The following SCAPER variants were observed in gnomAD, a reference collection of about 807,000 sequenced individuals.
SCAPER encodes the protein S-phase cyclin A associated protein in the ER.
Under a neutral mutation model 182.2 loss-of-function variants are expected in SCAPER, and 98 were observed. The observed-to-expected ratio is 0.54, with a 90% CI of 0.46 to 0.64. The LOEUF is 0.64. Ranked by LOEUF, SCAPER falls within the 30% of genes least tolerant of loss-of-function variation. SCAPER has a pLI of 0.00. For missense variants in SCAPER, 1,432 were observed against 1,690.0 expected (o/e 0.85, Z 2.68); for synonymous variants, 605 against 564.6 (o/e 1.07, Z -1.01).
At chr15:76,850,123 G>A (rs1029379346) in intron 4 of SCAPER, among the ~76,000 whole-genome samples, 4 of 152,216 alleles carry the variant, frequency 2.6e-5, no homozygotes, top group Middle Eastern at 3.4e-3. Flanking sequence ...AAACCATATC[G>A]CTAACATACC....
intron 29 of SCAPER, among the ~76,000 whole-genome samples, chr15:76,358,844 G>A (rs886483100): frequency 2.0e-5 from 3 of 152,226 alleles, no homozygotes; most frequent in African/African-American, 7.2e-5. Flanking sequence ...GCACTTCAGA[G>A]TCAGTTGAGT....
chr15:76,828,652 A>G (rs568953884), intron 5 of SCAPER, among the ~76,000 whole-genome samples: 1 of 152,344 alleles, frequency 6.6e-6, no homozygotes, highest in South Asian at 2.1e-4. Flanking sequence ...ACAACAGGGA[A>G]TATGCAGAAT....
In SCAPER at chr15:76,621,876, T is replaced by G. The variant is rs374683099; in HGVS notation, c.2646-47A>C. 705 of 1,320,516 alleles carry G rather than the reference T, an allele frequency of 5.3e-4. No individual in the cohort carries two copies. The African/African-American group carries it at 9.6e-3, about 18-fold the overall frequency. The allele number at this position is 1,320,516 out of a possible 1,614,324, so 81.8% of individuals were successfully genotyped here. A position where few individuals can be genotyped will look rare whatever the true frequency, so the allele number is the denominator to read the frequency against. On this transcript the variant is annotated intron_variant, in intron 21 of 31. Transcript: ENST00000563290. ...ACACAGTTATTTCACTGCTAATTTTTATAATAAACCAAAATGTTGGCTGTA... is the reference window on the plus strand; with the variant it reads ...ACACAGTTATTTCACTGCTAATTTTGATAATAAACCAAAATGTTGGCTGTA...
In SCAPER at chr15:76,857,915, C is replaced by T. The variant is rs1006316429; in HGVS notation, c.125-36G>A. On this transcript the variant is annotated intron_variant, in intron 3 of 31. Transcript: ENST00000563290. Reference sequence around the variant, plus strand: ...AGAAAAAAATAAATATGTAGATATACAGAATGATAGATAGTATAAAATTGA... The same window carrying T: ...AGAAAAAAATAAATATGTAGATATATAGAATGATAGATAGTATAAAATTGA... 1.9e-5 allele frequency: 26 copies of T among 1,368,618 alleles called. No individual in the cohort carries two copies. The African/African-American group carries it at 2.5e-4, about 13-fold the overall frequency. 84.8% of individuals were successfully genotyped at this position (1,368,618 alleles called of 1,614,324 possible).
chr15:76,455,661 T>A (rs576431069), intron 25 of SCAPER, among the ~76,000 whole-genome samples: 39 of 152,320 alleles, frequency 2.6e-4, no homozygotes, highest in African/African-American at 6.3e-4. Flanking sequence ...TTTTAATTTT[T>A]ATTTTTTATT....
chr15:76,561,613 TG>T (rs1202943831), intron 23 of SCAPER, among the ~76,000 whole-genome samples: 1 of 152,114 alleles, frequency 6.6e-6, no homozygotes, highest in Non-Finnish European at 1.5e-5. Context: ...AATCACAGTA[TG>T]TAGGTAGAAT....
chr15:76,442,083 A>C (rs1240532096), intron 25 of SCAPER, among the ~76,000 whole-genome samples: 2 of 152,178 alleles, frequency 1.3e-5, no homozygotes, highest in East Asian at 1.9e-4. Flanking sequence ...AGATATATAT[A>C]GTATTTAGTC....
intron 27 of SCAPER, among the ~76,000 whole-genome samples, chr15:76,383,356 A>G (rs2043095406): frequency 6.6e-6 from 1 of 152,160 alleles, no homozygotes; most frequent in Admixed American, 6.5e-5. Flanking sequence ...CAAAGAAATC[A>G]TTTTATTCAT....
intron 20 of SCAPER, among the ~76,000 whole-genome samples, chr15:76,698,171 T>C (rs964882855): frequency 3.3e-5 from 5 of 152,008 alleles, no homozygotes. Context: ...GAAAATTATT[T>C]GAGGCAAACT....
intron 29 of SCAPER, among the ~76,000 whole-genome samples, chr15:76,362,984 T>C (rs1284383862): frequency 6.6e-6 from 1 of 152,212 alleles, no homozygotes; most frequent in Non-Finnish European, 1.5e-5. Context: ...AGTTGTTTTT[T>C]ACCCCAGAAG....
intron 19 of SCAPER, 113 bp downstream of exon 19, chr15:76,702,737 C>A: frequency 1.6e-6 from 2 of 1,237,520 alleles, no homozygotes; most frequent in South Asian, 3.1e-5. Flanking sequence ...GTGTGAGCTG[C>A]CACATCTCGC....
At chr15:76,371,817 CT>C (rs956880710) in intron 29 of SCAPER, among the ~76,000 whole-genome samples, 1 of 151,862 alleles carries the variant, frequency 6.6e-6, no homozygotes, top group African/African-American at 2.4e-5. Flanking sequence ...ACTCAGGAGG[CT>C]GAGGCAGGAG....
intron 10 of SCAPER, among the ~76,000 whole-genome samples, chr15:76,768,436 T>G (rs1009450255): frequency 2.6e-5 from 4 of 152,150 alleles, no homozygotes; most frequent in African/African-American, 7.2e-5. Flanking sequence ...AAGAAGTCAG[T>G]CACAAATGAC....
chr15:76,857,291 G>C (rs757629632), intron 4 of SCAPER, among the ~76,000 whole-genome samples: 2 of 151,912 alleles, frequency 1.3e-5, no homozygotes, highest in Non-Finnish European at 2.9e-5. Flanking sequence ...AAATTAGCCG[G>C]GCATGGTGAC....
At chr15:76,350,018 T>A (rs2040429444) in intron 31 of SCAPER, 1 of 152,198 alleles carries the variant, frequency 6.6e-6, no homozygotes, top group South Asian at 2.1e-4. Context: ...TACATTAGAT[T>A]TTTCTAAGCA....
intron 25 of SCAPER, among the ~76,000 whole-genome samples, chr15:76,461,260 A>G (rs913286116): frequency 7.2e-5 from 11 of 151,780 alleles, no homozygotes; most frequent in African/African-American, 2.7e-4. Flanking sequence ...AGTAGTAGTG[A>G]TGTTAGTTTT....
At chr15:76,498,004 AAAAAAAAAAAAAAAAAT>A (rs1431855974) in intron 24 of SCAPER, among the ~76,000 whole-genome samples, 4 of 149,938 alleles carry the variant, frequency 2.7e-5, no homozygotes, top group African/African-American at 7.3e-5. Context: ...AAAAAAAAAA[AAAAAAAAAAAAAAAAAT>A]AAGCACATGA....
chr15:76,682,092 T>TGA (rs2057746415), intron 20 of SCAPER, among the ~76,000 whole-genome samples: 1 of 152,136 alleles, frequency 6.6e-6, no homozygotes, highest in African/African-American at 2.4e-5. Flanking sequence ...CTTCATATGT[T>TGA]CTTTGTCAAG....
chr15:76,891,757 T>A (rs952138512), intron 1 of SCAPER, among the ~76,000 whole-genome samples: 31 of 152,166 alleles, frequency 2.0e-4, no homozygotes, highest in African/African-American at 7.2e-4. Context: ...ATTTATAGAC[T>A]CAATGCCATC....
Sources: allele counts gnomAD v4.1 joint callset (sites outside exome capture counted in the v4.1 genomes callset), GRCh38; gene constraint gnomAD v4.1.1; transcripts MANE v1.5; gene names NCBI Gene and HGNC (gene_info 2026-07-23, HGNC 2026-07-21).